Variants in NARS2 observed in about 807,000 individuals in gnomAD.
NARS2 encodes asparaginyl-tRNA synthetase.
A neutral mutation model predicts 62.9 loss-of-function variants in NARS2; 60 were observed. The ratio of observed to expected loss-of-function variants is 0.95; its 90% CI spans 0.77 to 1.18. NARS2 has a LOEUF of 1.18. Among genes scored for constraint, NARS2 ranks in the 50% most tolerant of loss-of-function variants. The pLI is 0.00. For missense variants in NARS2, 619 were observed against 576.4 expected (o/e 1.07, Z -0.76); for synonymous variants, 196 against 200.0 (o/e 0.98, Z 0.17).
chr11:78,563,768 T>C (rs1207944877), intron 4 of NARS2, among the ~76,000 whole-genome samples: 1 of 124,986 alleles, frequency 8.0e-6, no homozygotes, highest in Non-Finnish European at 1.6e-5. Context: ...GAGGCGGAGG[T>C]TGCAGTGAGC....
At position 78,561,738 on chromosome 11, in the gene NARS2, T is replaced by C. The variant is rs145756757; in HGVS notation, c.514-2119A>G. Among the ~76,000 whole-genome samples the C allele has an allele frequency of 2.0e-5, 3 of 152,094 alleles. No individual in the cohort carries two copies. The East Asian group carries it at 5.8e-4, about 29-fold the overall frequency. On this transcript the variant is annotated intron_variant, in intron 4 of 13. Transcript: ENST00000281038. ...AGCCACAGGCAGGCCATAGACAACA[T>C]AAAGTGACAGCAAGAACAGATTTTA...
At chr11:78,494,480 T>TC (rs1486931298) in intron 6 of NARS2, among the ~76,000 whole-genome samples, 3 of 150,098 alleles carry the variant, frequency 2.0e-5, no homozygotes, top group African/African-American at 7.3e-5. Flanking sequence ...TTTTTTTTTT[T>TC]TTTTTTAGTA....
intron 5 of NARS2, among the ~76,000 whole-genome samples, chr11:78,555,959 T>C (rs1401687304): frequency 6.6e-6 from 1 of 152,166 alleles, no homozygotes; most frequent in Non-Finnish European, 1.5e-5. Flanking sequence ...TTCAGGAGCA[T>C]GTTGTTTAGT....
chr11:78,463,166 G>A (rs1858463555), intron 11 of NARS2, among the ~76,000 whole-genome samples: 1 of 152,132 alleles, frequency 6.6e-6, no homozygotes, highest in South Asian at 2.1e-4. Flanking sequence ...CTAGGCTCCA[G>A]TAATTCTCTC....
intron 11 of NARS2, among the ~76,000 whole-genome samples, chr11:78,464,805 C>A (rs920276882): frequency 6.6e-6 from 1 of 152,176 alleles, no homozygotes; most frequent in African/African-American, 2.4e-5. Context: ...TGTTTACAAA[C>A]CTTGAGCTAG....
At position 78,574,578 on chromosome 11, in the gene NARS2, C is replaced by A; in HGVS notation, c.-90G>T. ...CGGCCCTCCTTTCTCAGCTGCTCCC[C>A]TTCCGCGGCCGCAGCTCTGCTCTAA... On this transcript the variant is annotated 5_prime_UTR_variant, in exon 1 of 14. In the 5' UTR this introduces an upstream ATG that the reference lacks. Transcript: ENST00000281038. The A allele has an allele frequency of 7.1e-7, 1 of 1,414,756 alleles. No individual in the cohort carries two copies. Among genetic ancestry groups the A allele is most frequent in the East Asian group, 2.5e-5 (1 of 40,106 alleles). 87.6% of individuals were successfully genotyped at this position (1,414,756 alleles called of 1,614,324 possible). A position where few individuals can be genotyped will look rare whatever the true frequency, so the allele number is the denominator to read the frequency against.
At chr11:78,545,987 A>C (rs1055445117) in intron 5 of NARS2, among the ~76,000 whole-genome samples, 5 of 152,232 alleles carry the variant, frequency 3.3e-5, no homozygotes, top group African/African-American at 1.2e-4. Context: ...GTGAGCAACA[A>C]ATCATTCTAA....
At chr11:78,502,529 C>T (rs1450682595) in intron 6 of NARS2, among the ~76,000 whole-genome samples, 1 of 152,130 alleles carries the variant, frequency 6.6e-6, no homozygotes, top group African/African-American at 2.4e-5. Flanking sequence ...ACATATGAAT[C>T]CTAGGGGAGA....
intron 9 of NARS2, among the ~76,000 whole-genome samples, chr11:78,473,697 C>G (rs1016666222): frequency 6.6e-6 from 1 of 152,220 alleles, no homozygotes; most frequent in Non-Finnish European, 1.5e-5. Context: ...TGTTTTGTCT[C>G]TATCCTTAAG....
At chr11:78,565,305 G>A (rs1282578719) in intron 4 of NARS2, among the ~76,000 whole-genome samples, 1 of 152,144 alleles carries the variant, frequency 6.6e-6, no homozygotes, top group African/African-American at 2.4e-5. Context: ...TGACCAAGAT[G>A]GAGAAACAGG....
intron 6 of NARS2, among the ~76,000 whole-genome samples, chr11:78,512,091 A>G (rs1343982477): frequency 6.6e-6 from 1 of 152,202 alleles, no homozygotes; most frequent in Admixed American, 6.5e-5. Flanking sequence ...AAATGACTAC[A>G]GCTCTTAGGG....
intron 5 of NARS2, among the ~76,000 whole-genome samples, chr11:78,529,914 T>C (rs142578696): frequency 1.3e-5 from 2 of 152,346 alleles, no homozygotes; most frequent in African/African-American, 4.8e-5. Flanking sequence ...ATTTAAAATA[T>C]GTAATGGAGA....
chr11:78,480,716 T>C (rs1344230491), intron 7 of NARS2, among the ~76,000 whole-genome samples: 1 of 150,234 alleles, frequency 6.7e-6, no homozygotes, highest in Non-Finnish European at 1.5e-5. Flanking sequence ...GAAAAAAGAA[T>C]CAAAAGACTA....
At chr11:78,528,212 C>T (rs573485355) in intron 6 of NARS2, among the ~76,000 whole-genome samples, 31 of 152,040 alleles carry the variant, frequency 2.0e-4, no homozygotes, top group African/African-American at 5.8e-4. Flanking sequence ...GGGCAATAAG[C>T]GAGATCCCAC....
chr11:78,533,253 T>C (rs1175679844), intron 5 of NARS2: 1 of 152,234 alleles, frequency 6.6e-6, no homozygotes, highest in Non-Finnish European at 1.5e-5. Flanking sequence ...TCAGACTTTA[T>C]GGAACCTGAT....
Position 78,568,659 on chromosome 11 carries a change from AAT to A in NARS2, c.343_344del (p.Ile115Ter). On this transcript the variant is annotated frameshift_variant, in exon 3 of 14. Coordinates refer to ENST00000281038, the MANE Select transcript of NARS2 (RefSeq NM_024678.6). LOFTEE classifies it high-confidence loss of function. ...TGGCATCACAATTTCCAATAACTTT[AAT>A]TTTTTCTGCCTTCAGTTCCACATTT... Reference protein sequence around the residue: ...RQNVELKAEKIKVIGNCDAKD... With the variant: ...RQNVELKAEKXKVIGNCDAKD... 1 of 1,612,998 alleles carries A rather than the reference AAT, an allele frequency of 6.2e-7. No homozygotes were observed. Among genetic ancestry groups the A allele is most frequent in the Non-Finnish European group, 8.5e-7 (1 of 1,179,350 alleles).
At chr11:78,480,280 T>G (rs1024792595) in intron 7 of NARS2, among the ~76,000 whole-genome samples, 5 of 152,154 alleles carry the variant, frequency 3.3e-5, no homozygotes, top group Non-Finnish European at 7.3e-5. Flanking sequence ...ATTTATTGTT[T>G]TTTTAGACGG....
intron 2 of NARS2, among the ~76,000 whole-genome samples, chr11:78,568,955 G>C (rs1263129024): frequency 6.6e-5 from 10 of 152,002 alleles, no homozygotes. Flanking sequence ...CTTTAAAATG[G>C]GAATAGAGTT....
chr11:78,463,713 CAAAAAAAA>C (rs10649252), intron 11 of NARS2, among the ~76,000 whole-genome samples: 75 of 47,994 alleles, frequency 1.6e-3, no homozygotes, highest in South Asian at 0.014. Context: ...TAGTTAAGGT[CAAAAAAAA>C]AAAAAAAAAA....
Sources: allele counts gnomAD v4.1 joint callset (sites outside exome capture counted in the v4.1 genomes callset), GRCh38; gene constraint gnomAD v4.1.1; transcripts MANE v1.5; gene names NCBI Gene and HGNC (gene_info 2026-07-23, HGNC 2026-07-21).